Variants in PDZRN3 observed in about 807,000 individuals in gnomAD.
PDZRN3 encodes the protein E3 ubiquitin-protein ligase PDZRN3.
In PDZRN3, 38 loss-of-function variants were observed where a neutral mutation model predicts 85.7. That is an observed-to-expected ratio of 0.44 (90% confidence interval 0.34 to 0.58). The LOEUF (loss-of-function observed/expected upper bound fraction) is 0.58. Among genes scored for constraint, PDZRN3 ranks in the 20% least tolerant of loss-of-function variants. The pLI is 0.01. For missense variants in PDZRN3, 1,629 were observed against 1,506.4 expected (o/e 1.08, Z -1.35); for synonymous variants, 759 against 638.0 (o/e 1.19, Z -2.86).
At chr3:73,569,045 G>T in intron 3 of PDZRN3, 1 of 512,922 alleles carries the variant, frequency 1.9e-6, no homozygotes, top group Admixed American at 2.6e-5. Flanking sequence ...AAAAAACTGA[G>T]GTCCTATGAA....
chr3:73,523,049 G>C (rs1202328359), intron 3 of PDZRN3, among the ~76,000 whole-genome samples: 1 of 152,144 alleles, frequency 6.6e-6, no homozygotes, highest in African/African-American at 2.4e-5. Context: ...TTGAGAAGAA[G>C]TCTCGCTCTG....
intron 3 of PDZRN3, among the ~76,000 whole-genome samples, chr3:73,567,636 T>A (rs888397586): frequency 6.6e-6 from 1 of 152,198 alleles, no homozygotes; most frequent in South Asian, 2.1e-4. Flanking sequence ...TCTACACATA[T>A]TGAAGTCTAA....
At chr3:73,484,224 G>A (rs1480549715) in intron 3 of PDZRN3, among the ~76,000 whole-genome samples, 3 of 152,184 alleles carry the variant, frequency 2.0e-5, no homozygotes, top group Non-Finnish European at 2.9e-5. Context: ...CAAAGAGGAG[G>A]AGAAGGAGAA....
chr3:73,576,046 C>T (rs1483692304), intron 3 of PDZRN3, among the ~76,000 whole-genome samples: 2 of 152,108 alleles, frequency 1.3e-5, no homozygotes, highest in Non-Finnish European at 1.5e-5. Flanking sequence ...TGTTATATTG[C>T]TATCATTCTG....
At chr3:73,563,823 C>A (rs1190059802) in intron 3 of PDZRN3, among the ~76,000 whole-genome samples, 1 of 152,220 alleles carries the variant, frequency 6.6e-6, no homozygotes, top group Non-Finnish European at 1.5e-5. Flanking sequence ...AAAGAGGCAA[C>A]TGGGGCCCAG....
In PDZRN3 at chr3:73,457,327, C is replaced by T. The variant is rs145202159; in HGVS notation, c.919-52932G>A. Among the ~76,000 whole-genome samples, 956 of 152,250 alleles carry T rather than the reference C, an allele frequency of 6.3e-3. 14 individuals carry two copies. Among genetic ancestry groups the T allele is most frequent in the African/African-American group, 0.022 (912 of 41,534 alleles). On this transcript the variant is annotated intron_variant, in intron 3 of 9. Coordinates refer to ENST00000263666, the MANE Select transcript of PDZRN3 (RefSeq NM_015009.3). The stretch of plus-strand genomic sequence containing the variant: ...ACCTCAGGTGATCCACGTGCCTCAG[C>T]CTTCCAAAGTGCTGGGATTACAGGT...
chr3:73,443,644 C>A (rs534558792), intron 3 of PDZRN3, among the ~76,000 whole-genome samples: 36 of 151,920 alleles, frequency 2.4e-4, no homozygotes, highest in African/African-American at 7.2e-4. Flanking sequence ...CACCACTATG[C>A]CTGGCTATTT....
intron 3 of PDZRN3, among the ~76,000 whole-genome samples, chr3:73,446,245 G>A (rs961141754): frequency 1.3e-5 from 2 of 152,016 alleles, no homozygotes; most frequent in African/African-American, 2.4e-5. Context: ...CTACCTTGGC[G>A]TGAGGCATTT....
chr3:73,486,905 C>A (rs79476039), intron 3 of PDZRN3, among the ~76,000 whole-genome samples: 3,592 of 149,162 alleles, frequency 0.024, 137 homozygotes, highest in African/African-American at 0.084. Flanking sequence ...ACCTAAGAAA[C>A]AGCCTTAAAC....
intron 3 of PDZRN3, among the ~76,000 whole-genome samples, chr3:73,574,811 C>G (rs537260323): frequency 6.6e-6 from 1 of 152,180 alleles, no homozygotes; most frequent in Admixed American, 6.5e-5. Context: ...GTGCTTTTTA[C>G]AACAAATTCA....
At chr3:73,501,648 C>A (rs9847408) in intron 3 of PDZRN3, among the ~76,000 whole-genome samples, 2 of 152,058 alleles carry the variant, frequency 1.3e-5, no homozygotes, top group African/African-American at 4.8e-5. Context: ...AGGAAAACCT[C>A]GTTAAACTTG....
At position 73,580,452 on chromosome 3, in the gene PDZRN3, G is replaced by A. The variant is rs558631871; in HGVS notation, c.918+21902C>T. On this transcript the variant is annotated intron_variant, in intron 3 of 9. Transcript: ENST00000263666. ...CTGGCTTAGCCAGAGAGGCAAACAC[G>A]CCAGCATCTTCCCTGCTCTTCTGAA... Among the ~76,000 whole-genome samples the A allele has an allele frequency of 5.9e-5, 9 of 152,300 alleles. No individual in the cohort carries two copies. In the South Asian group the frequency reaches 1.2e-3, roughly 21 times the overall value.
chr3:73,590,116 A>C (rs911788430), intron 3 of PDZRN3, among the ~76,000 whole-genome samples: 4 of 151,386 alleles, frequency 2.6e-5, no homozygotes, highest in African/African-American at 9.7e-5. Flanking sequence ...CAAAAATACA[A>C]AAATTAGTTG....
chr3:73,514,657 C>CT (rs1250751659), intron 3 of PDZRN3, among the ~76,000 whole-genome samples: 1 of 152,208 alleles, frequency 6.6e-6, no homozygotes, highest in Non-Finnish European at 1.5e-5. Flanking sequence ...GGCTGATCTT[C>CT]TGACTTGGCT....
chr3:73,454,453 T>TAATG (rs1411772928), intron 3 of PDZRN3, among the ~76,000 whole-genome samples: 1 of 152,052 alleles, frequency 6.6e-6, no homozygotes, highest in East Asian at 1.9e-4. Flanking sequence ...TTGGAAGAGG[T>TAATG]AATGAAAAAG....
rs145416476 is a variant in PDZRN3 at position 73,574,269 on chromosome 3, TA to T, written c.918+28084del. Reference sequence around the variant, plus strand: ...CCCTCTCTTGGAGCCTCTTGACTGCTAATCTTCTCACCATCAAGAGAACTTG... The same window carrying T: ...CCCTCTCTTGGAGCCTCTTGACTGCTATCTTCTCACCATCAAGAGAACTTG... On this transcript the variant is annotated intron_variant, in intron 3 of 9. Transcript: ENST00000263666. 3.8e-3 allele frequency among the ~76,000 whole-genome samples: 576 copies of T among 152,330 alleles called. 5 individuals are homozygous for T. Among genetic ancestry groups the T allele is most frequent in the Non-Finnish European group, 4.9e-3 (336 of 68,030 alleles).
At chr3:73,549,954 C>T (rs1701513065) in intron 3 of PDZRN3, among the ~76,000 whole-genome samples, 1 of 152,170 alleles carries the variant, frequency 6.6e-6, no homozygotes, top group South Asian at 2.1e-4. Flanking sequence ...TAATCCATGT[C>T]CTTTCAGATC....
At chr3:73,479,465 C>T (rs973804793) in intron 3 of PDZRN3, among the ~76,000 whole-genome samples, 43 of 152,232 alleles carry the variant, frequency 2.8e-4, no homozygotes, top group Admixed American at 2.3e-3. Flanking sequence ...CCAGGAATAC[C>T]GAGGGGAGTC....
intron 3 of PDZRN3, among the ~76,000 whole-genome samples, chr3:73,467,537 A>G (rs1703245206): frequency 6.6e-6 from 1 of 152,208 alleles, no homozygotes. Context: ...GTTAACACTG[A>G]GTCCCATAGC....
Sources: allele counts gnomAD v4.1 joint callset (sites outside exome capture counted in the v4.1 genomes callset), GRCh38; gene constraint gnomAD v4.1.1; transcripts MANE v1.5; gene names NCBI Gene and HGNC (gene_info 2026-07-23, HGNC 2026-07-21).